Variants in PDE8B observed in about 807,000 individuals in gnomAD.
The protein encoded by PDE8B is phosphodiesterase 8B.
A neutral mutation model predicts 101.3 loss-of-function variants in PDE8B; 26 were observed. The ratio of observed to expected loss-of-function variants is 0.26; its 90% CI spans 0.19 to 0.36. The LOEUF (loss-of-function observed/expected upper bound fraction) is 0.36. Ranked by LOEUF, PDE8B falls within the 10% of genes least tolerant of loss-of-function variation. The probability of loss-of-function intolerance (pLI) is 1.00; values close to 1 mark genes in which losing one functional copy is unlikely to be tolerated. For synonymous variants in PDE8B, 424 were observed against 429.3 expected (o/e 0.99, Z 0.15); for missense variants, 810 against 1,163.1 (o/e 0.70, Z 4.42).
intron 1 of PDE8B, among the ~76,000 whole-genome samples, chr5:77,260,173 A>G (rs992009937): frequency 6.8e-5 from 10 of 146,952 alleles, no homozygotes; most frequent in African/African-American, 2.5e-4. Flanking sequence ...AAAAAAAAAA[A>G]GAAAAAAAAG....
the PDE8B span, among the ~76,000 whole-genome samples, chr5:77,199,570 C>A: frequency 6.6e-6 from 1 of 152,138 alleles, no homozygotes; most frequent in Non-Finnish European, 1.5e-5. Flanking sequence ...TCTTTTAGAT[C>A]TCCATGAGAA....
chr5:77,203,502 A>ATGGC, the PDE8B span, among the ~76,000 whole-genome samples: 1 of 152,188 alleles, frequency 6.6e-6, no homozygotes, highest in Non-Finnish European at 1.5e-5. Context: ...TCATGGCATC[A>ATGGC]TGGCTGGCTG....
At chr5:77,339,477 G>A (rs73136859) in intron 6 of PDE8B, among the ~76,000 whole-genome samples, 20,742 of 151,926 alleles carry the variant, frequency 0.14, 2,965 homozygotes, top group African/African-American at 0.36. Flanking sequence ...GATTTTATGT[G>A]CATATTCCCA....
chr5:77,427,112 C>T lies in PDE8B; in HGVS notation c.*558C>T, dbSNP rs1325409249. ...ACAGATAAACTAGTTAGCTTCACAG[C>T]CTCTATGGCTACATGGTTCTTCTGG... On this transcript the variant is annotated 3_prime_UTR_variant, in exon 22 of 22. Coordinates refer to ENST00000264917, the MANE Select transcript of PDE8B (RefSeq NM_003719.5). 6.3e-6 allele frequency: 1 copy of T among 159,586 alleles called. No individual in the cohort carries two copies. Among genetic ancestry groups the T allele is most frequent in the Non-Finnish European group, 1.4e-5 (1 of 72,494 alleles). 9.9% of individuals were successfully genotyped at this position (159,586 alleles called of 1,614,324 possible).
the PDE8B span, among the ~76,000 whole-genome samples, chr5:77,104,304 C>T: frequency 6.6e-6 from 1 of 152,194 alleles, no homozygotes; most frequent in Non-Finnish European, 1.5e-5. Context: ...TAACCCTGCA[C>T]CCAGTGTGAC....
chr5:77,373,625 G>A (rs2150705536), intron 10 of PDE8B, among the ~76,000 whole-genome samples: 1 of 152,164 alleles, frequency 6.6e-6, no homozygotes, highest in Non-Finnish European at 1.5e-5. Flanking sequence ...CTTTCACTAA[G>A]CATACTAATT....
intron 1 of PDE8B, among the ~76,000 whole-genome samples, chr5:77,290,019 G>T (rs1766909580): frequency 1.3e-5 from 2 of 152,180 alleles, no homozygotes; most frequent in South Asian, 4.1e-4. Context: ...ATGAATGAGA[G>T]ATTATCATCA....
chr5:77,209,824 A>G (rs1280090656), upstream of PDE8B, among the ~76,000 whole-genome samples: 2 of 152,224 alleles, frequency 1.3e-5, no homozygotes, highest in Non-Finnish European at 2.9e-5. Flanking sequence ...GAACCATCAG[A>G]CAGCTTCTTT....
chr5:77,135,721 C>T, the PDE8B span, among the ~76,000 whole-genome samples: 22 of 151,920 alleles, frequency 1.4e-4, no homozygotes, highest in African/African-American at 4.1e-4. Context: ...GTGATCCACC[C>T]GCCTCGGCCT....
intron 10 of PDE8B, among the ~76,000 whole-genome samples, chr5:77,374,505 A>G (rs1324799527): frequency 1.3e-5 from 2 of 151,834 alleles, no homozygotes; most frequent in African/African-American, 4.8e-5. Context: ...TTGGTTTTTT[A>G]GTTAAATCTC....
intron 20 of PDE8B, 125 bp downstream of exon 20, chr5:77,422,113 A>G: frequency 9.5e-7 from 1 of 1,055,552 alleles, no homozygotes. Context: ...TCCCTGGAAG[A>G]AAGCAGCTTA....
the PDE8B span, among the ~76,000 whole-genome samples, chr5:77,165,883 G>A: frequency 2.0e-5 from 3 of 150,728 alleles, no homozygotes; most frequent in Non-Finnish European, 4.4e-5. Context: ...GTGCATGCCT[G>A]TAATCCCAGC....
rs1419393871 is a variant in PDE8B at position 77,426,906 on chromosome 5, G to A, written c.*352G>A. The A allele has an allele frequency of 1.2e-5, 4 of 323,198 alleles. No homozygotes were observed. Among genetic ancestry groups the A allele is most frequent in the South Asian group, 5.9e-5 (2 of 34,018 alleles). The allele number at this position is 323,198 out of a possible 1,614,324, so 20.0% of individuals were successfully genotyped here. A position where few individuals can be genotyped will look rare whatever the true frequency, so the allele number is the denominator to read the frequency against. On this transcript the variant is annotated 3_prime_UTR_variant, in exon 22 of 22. Coordinates refer to ENST00000264917, the MANE Select transcript of PDE8B (RefSeq NM_003719.5). ...CTGTGAGCTCATCTCCCAGGATGGT[G>A]ACTAAGTAGCTTAGCTAGTGATCAG...
At chr5:77,353,272 G>A in intron 9 of PDE8B, 74 bp from the exon 10 acceptor site, 1 of 867,520 alleles carries the variant, frequency 1.2e-6, no homozygotes, top group South Asian at 1.3e-5. Context: ...TAAGAAGTCT[G>A]TTGACATTTT....
intron 9 of PDE8B, among the ~76,000 whole-genome samples, chr5:77,352,430 C>G (rs1490745060): frequency 6.6e-6 from 1 of 152,216 alleles, no homozygotes; most frequent in Non-Finnish European, 1.5e-5. Context: ...CTTTTCTGGT[C>G]TCTCTGATTT....
the PDE8B span, among the ~76,000 whole-genome samples, chr5:77,164,350 T>C: frequency 6.6e-6 from 1 of 152,184 alleles, no homozygotes; most frequent in Non-Finnish European, 1.5e-5. Flanking sequence ...AAAAATTGTA[T>C]GCGATAATAA....
At chr5:77,201,450 C>T in the PDE8B span, among the ~76,000 whole-genome samples, 1 of 152,094 alleles carries the variant, frequency 6.6e-6, no homozygotes, top group African/African-American at 2.4e-5. Flanking sequence ...ATGTCTCTCA[C>T]ATTCTAATCA....
chr5:77,100,965 C>CTTTTTTTTTTTTTTTTTTTTTTTTTTTA, the PDE8B span, among the ~76,000 whole-genome samples: 1 of 124,412 alleles, frequency 8.0e-6, no homozygotes, highest in Non-Finnish European at 1.7e-5. Context: ...ATTTTTTTTC[C>CTTTTTTTTTTTTTTTTTTTTTTTTTTTA]TTTTTTTTTT....
At chr5:77,165,568 A>T in the PDE8B span, 1 of 145,522 alleles carries the variant, frequency 6.9e-6, no homozygotes, top group African/African-American at 2.5e-5. Flanking sequence ...CAACAACAAC[A>T]AAAACAAAAA....
Sources: allele counts gnomAD v4.1 joint callset (sites outside exome capture counted in the v4.1 genomes callset), GRCh38; gene constraint gnomAD v4.1.1; transcripts MANE v1.5; gene names NCBI Gene and HGNC (gene_info 2026-07-23, HGNC 2026-07-21).